TBCK: variants seen among roughly 807,000 people sequenced by gnomAD.
TBCK encodes the protein TBC domain-containing protein kinase-like protein.
TBCK carries 99 observed loss-of-function variants against 113.4 expected under a neutral mutation model. The ratio of observed to expected loss-of-function variants is 0.87; its 90% CI spans 0.74 to 1.03. The LOEUF is 1.03. Among genes scored for constraint, TBCK ranks in the 50% least tolerant of loss-of-function variants. TBCK has a pLI of 0.00. For synonymous variants in TBCK, 369 were observed against 370.8 expected (o/e 1.00, Z 0.05); for missense variants, 1,045 against 1,061.3 (o/e 0.98, Z 0.21).
In TBCK at chr4:106,236,425, G is replaced by A. The variant is rs1253525083; in HGVS notation, c.1315C>T (p.Leu439=). Residue 439 remains leucine, a synonymous_variant, in exon 14 of 26, where the codon CTA becomes TTA. Transcript: ENST00000394708. ...CTGTCGAAGAGAATAATTCTATTTA[G>A]TTGGTACTCTGTATCCTTCTCTCTG... ...IIREKDTEYQ[L]NRIILFDRLL... 3.2e-6 allele frequency: 5 copies of A among 1,556,896 alleles called. No individual in the cohort carries two copies. Among genetic ancestry groups the A allele is most frequent in the Non-Finnish European group, 2.6e-6 (3 of 1,150,612 alleles).
At chr4:106,302,578 A>G (rs1003715679) in intron 2 of TBCK, among the ~76,000 whole-genome samples, 3 of 152,172 alleles carry the variant, frequency 2.0e-5, no homozygotes, top group Non-Finnish European at 4.4e-5. Context: ...TGAAGCTCCA[A>G]AGAGGCTTCC....
intron 1 of TBCK, among the ~76,000 whole-genome samples, chr4:106,310,904 G>A (rs2125901319): frequency 6.6e-6 from 1 of 152,150 alleles, no homozygotes; most frequent in South Asian, 2.1e-4. Flanking sequence ...AGGAGATATT[G>A]CATCCATTAC....
intron 25 of TBCK, among the ~76,000 whole-genome samples, chr4:106,054,105 A>G (rs1278201981): frequency 6.6e-6 from 1 of 151,702 alleles, no homozygotes; most frequent in Non-Finnish European, 1.5e-5. Flanking sequence ...ACCTGTCACA[A>G]AGCATTTTAA....
At chr4:106,274,369 A>G (rs895560462) in intron 3 of TBCK, among the ~76,000 whole-genome samples, 3 of 152,208 alleles carry the variant, frequency 2.0e-5, no homozygotes, top group African/African-American at 7.2e-5. Flanking sequence ...ATTCAATCAA[A>G]TACATATGAA....
chr4:106,198,954 T>G (rs1754570783), intron 20 of TBCK, among the ~76,000 whole-genome samples: 1 of 152,102 alleles, frequency 6.6e-6, no homozygotes, highest in Non-Finnish European at 1.5e-5. Context: ...AATGATAGGA[T>G]TCTTGTGAAT....
intron 10 of TBCK, 84 bp downstream of exon 10, chr4:106,247,055 A>G (rs937541026): frequency 6.4e-5 from 85 of 1,333,466 alleles, no homozygotes; most frequent in Non-Finnish European, 7.0e-5. Context: ...TATATTGTTG[A>G]TAAGTTCAAA....
At chr4:106,236,944 T>C (rs1429801798) in intron 12 of TBCK, 136 bp from the exon 13 acceptor site, 7 of 441,680 alleles carry the variant, frequency 1.6e-5, no homozygotes, top group Non-Finnish European at 2.4e-5. Flanking sequence ...AGTCTAAAAA[T>C]CAGTTCTTAC....
chr4:106,090,181 T>C (rs1740049509), intron 25 of TBCK, among the ~76,000 whole-genome samples: 1 of 152,254 alleles, frequency 6.6e-6, no homozygotes. Context: ...ATTTGCATTC[T>C]GTGCATCTGC....
chr4:106,075,414 T>C (rs1034473101), intron 25 of TBCK, among the ~76,000 whole-genome samples: 1 of 152,228 alleles, frequency 6.6e-6, no homozygotes, highest in South Asian at 2.1e-4. Context: ...TCATAGCATC[T>C]GGTTTCTGAT....
chr4:106,075,654 G>GACTT (rs1738099146), intron 25 of TBCK, among the ~76,000 whole-genome samples: 1 of 152,120 alleles, frequency 6.6e-6, no homozygotes, highest in Non-Finnish European at 1.5e-5. Context: ...GTTACCTATT[G>GACTT]ACTTATATAT....
rs566482419 is a variant in TBCK, at chr4:106,140,404, T to A, written c.2236-24026A>T. On this transcript the variant is annotated intron_variant, in intron 23 of 25. Coordinates refer to ENST00000394708, the MANE Select transcript of TBCK (RefSeq NM_001163435.3). Reference sequence around the variant, plus strand: ...GCTATTCTATTGCAAAACCAGATGATAAATTTATTGGTTAAAACACATGAG... The same window carrying A: ...GCTATTCTATTGCAAAACCAGATGAAAAATTTATTGGTTAAAACACATGAG... 4.0e-4 allele frequency among the ~76,000 whole-genome samples: 56 copies of A among 141,354 alleles called. 7 individuals are homozygous for A. The East Asian group carries it at 9.7e-3, about 25-fold the overall frequency. 92.7% of individuals were successfully genotyped at this position (141,354 alleles called of 152,430 possible).
At chr4:106,073,579 C>T (rs894347307) in intron 25 of TBCK, among the ~76,000 whole-genome samples, 1 of 152,166 alleles carries the variant, frequency 6.6e-6, no homozygotes, top group African/African-American at 2.4e-5. Flanking sequence ...TGTCAGGGAC[C>T]CACTTGAGGC....
intron 11 of TBCK, among the ~76,000 whole-genome samples, chr4:106,244,357 T>C (rs926807138): frequency 1.3e-5 from 2 of 152,152 alleles, no homozygotes; most frequent in Admixed American, 1.3e-4. Flanking sequence ...AGATATTCCA[T>C]AATATTAACT....
chr4:106,299,214 G>A (rs189608008), intron 2 of TBCK, among the ~76,000 whole-genome samples: 4 of 152,268 alleles, frequency 2.6e-5, no homozygotes, highest in South Asian at 4.1e-4. Context: ...ATTAACTTTA[G>A]CAAAGGCATG....
intron 12 of TBCK, among the ~76,000 whole-genome samples, chr4:106,237,980 AT>A (rs1385056707): frequency 1.3e-5 from 2 of 152,100 alleles, no homozygotes; most frequent in African/African-American, 4.8e-5. Flanking sequence ...AAATTATTAT[AT>A]GGTTTCCATA....
chr4:106,314,117 G>T (rs1454042766), intron 1 of TBCK, among the ~76,000 whole-genome samples: 1 of 151,954 alleles, frequency 6.6e-6, no homozygotes, highest in African/African-American at 2.4e-5. Context: ...TGAATAAAGC[G>T]CAAATGTTAT....
At position 106,243,829 on chromosome 4, in the gene TBCK, C is replaced by T. The variant is rs562449633; in HGVS notation, c.1070+797G>A. ...GCAGCTGCCTGAGTAGCTAGGACTA[C>T]AGGCACACAACACCACGCCCAGCTA... On this transcript the variant is annotated intron_variant, in intron 11 of 25. Coordinates refer to ENST00000394708, the MANE Select transcript of TBCK (RefSeq NM_001163435.3). 3.3e-3 allele frequency among the ~76,000 whole-genome samples: 498 copies of T among 152,152 alleles called. 2 individuals are homozygous for T. The highest frequency in any genetic ancestry group is 0.012 in the African/African-American group (480 of 41,518).
intron 19 of TBCK, chr4:106,213,355 G>A (rs573075478): frequency 5.5e-4 from 85 of 153,506 alleles, no homozygotes; most frequent in African/African-American, 1.8e-3. Context: ...TAAGAATACC[G>A]GGGGAGGAAC....
intron 24 of TBCK, among the ~76,000 whole-genome samples, chr4:106,105,220 A>G (rs994417506): frequency 6.6e-6 from 1 of 152,148 alleles, no homozygotes; most frequent in African/African-American, 2.4e-5. Flanking sequence ...ACACTCCCCA[A>G]AACTCATCAC....
Sources: gnomAD v4.1 joint callset for allele counts (sites outside exome capture counted in the v4.1 genomes callset) on GRCh38, gnomAD v4.1.1 for gene constraint, MANE v1.5 for transcripts, NCBI Gene and HGNC (gene_info 2026-07-23, HGNC 2026-07-21) for gene names.